NME7: variants seen among roughly 807,000 people sequenced by gnomAD.
The protein encoded by NME7 is nucleoside diphosphate kinase 7.
A neutral mutation model predicts 49.1 loss-of-function variants in NME7; 41 were observed. The observed-to-expected ratio is 0.83, with a 90% confidence interval of 0.65 to 1.08. The LOEUF (loss-of-function observed/expected upper bound fraction) is 1.08. Ranked by LOEUF, NME7 falls within the 50% of genes least tolerant of loss-of-function variation. The pLI is 0.00. For missense variants in NME7, 423 were observed against 463.4 expected, an observed-to-expected ratio of 0.91 and a Z score of 0.80; for synonymous variants, 139 against 150.6, an observed-to-expected ratio of 0.92 and a Z score of 0.56.
At chr1:169,243,404 C>A (rs895947289) in intron 7 of NME7, among the ~76,000 whole-genome samples, 6 of 152,158 alleles carry the variant, frequency 3.9e-5, no homozygotes, top group African/African-American at 1.4e-4. Flanking sequence ...GGGGAAACAG[C>A]TAGTTTTTTC....
intron 11 of NME7, among the ~76,000 whole-genome samples, chr1:169,140,507 A>T (rs976656368): frequency 1.1e-4 from 16 of 152,182 alleles, no homozygotes; most frequent in Non-Finnish European, 2.9e-5. Context: ...ATACTTTTTT[A>T]AAAAGGACAT....
intron 6 of NME7, among the ~76,000 whole-genome samples, chr1:169,289,206 A>G (rs1033729630): frequency 5.9e-5 from 9 of 152,054 alleles, no homozygotes; most frequent in Non-Finnish European, 1.2e-4. Flanking sequence ...GTCACATCCT[A>G]CACTCTGGAA....
chr1:169,337,644 T>C (rs1304005539), intron 1 of NME7, among the ~76,000 whole-genome samples: 1 of 152,188 alleles, frequency 6.6e-6, no homozygotes, highest in African/African-American at 2.4e-5. Context: ...CACCTCTCAA[T>C]AGCAGATCAT....
At chr1:169,277,015 T>A (rs1219167175) in intron 7 of NME7, among the ~76,000 whole-genome samples, 1 of 150,570 alleles carries the variant, frequency 6.6e-6, no homozygotes, top group Non-Finnish European at 1.5e-5. Flanking sequence ...AGTTTCTTAA[T>A]CCTGAGTTCT....
chr1:169,209,933 G>C (rs1204947861), intron 10 of NME7, among the ~76,000 whole-genome samples: 1 of 152,216 alleles, frequency 6.6e-6, no homozygotes, highest in African/African-American at 2.4e-5. Flanking sequence ...AGAGCCTCCT[G>C]TTATTAATAT....
intron 10 of NME7, among the ~76,000 whole-genome samples, chr1:169,196,739 CAGCT>C (rs1660390808): frequency 6.6e-6 from 1 of 152,124 alleles, no homozygotes; most frequent in Non-Finnish European, 1.5e-5. Flanking sequence ...GCAAATCACT[CAGCT>C]AGTGAGTGCA....
At chr1:169,351,384 C>T (rs555304204) in intron 1 of NME7, among the ~76,000 whole-genome samples, 2 of 151,358 alleles carry the variant, frequency 1.3e-5, no homozygotes, top group South Asian at 4.2e-4. Flanking sequence ...ACACAATATA[C>T]TATTAGTTAT....
chr1:169,150,869 TA>T (rs1658894527), intron 11 of NME7, among the ~76,000 whole-genome samples: 2 of 151,882 alleles, frequency 1.3e-5, no homozygotes, highest in African/African-American at 4.8e-5. Flanking sequence ...TCTTCAAACA[TA>T]AAAGGCTACA....
intron 10 of NME7, among the ~76,000 whole-genome samples, chr1:169,228,373 T>C (rs1017297087): frequency 7.2e-5 from 11 of 152,162 alleles, no homozygotes; most frequent in African/African-American, 1.4e-4. Context: ...CTCACAGTTT[T>C]ACTTACCTTA....
intron 10 of NME7, among the ~76,000 whole-genome samples, chr1:169,175,001 T>A (rs1270656876): frequency 6.6e-6 from 1 of 151,836 alleles, no homozygotes; most frequent in Non-Finnish European, 1.5e-5. Context: ...AACTTCTAAG[T>A]ATTTTTTAAC....
chr1:169,308,891 G>A (rs1390383989), intron 4 of NME7, among the ~76,000 whole-genome samples: 3 of 151,630 alleles, frequency 2.0e-5, no homozygotes, highest in Admixed American at 6.6e-5. Flanking sequence ...AAAATAAATA[G>A]GTATATTTGC....
chr1:169,363,237 CA>C (rs1363560946), intron 1 of NME7, among the ~76,000 whole-genome samples: 4 of 150,002 alleles, frequency 2.7e-5, no homozygotes, highest in South Asian at 2.1e-4. Context: ...TATCCTGTCT[CA>C]AAAAAAATAA....
intron 3 of NME7, chr1:169,310,585 A>T (rs1651344478): frequency 6.5e-6 from 1 of 153,136 alleles, no homozygotes; most frequent in African/African-American, 2.4e-5. Flanking sequence ...ATGTCTTCTT[A>T]TACAACAATG....
At chr1:169,354,214 T>C (rs899224774) in intron 1 of NME7, among the ~76,000 whole-genome samples, 3 of 152,004 alleles carry the variant, frequency 2.0e-5, no homozygotes, top group African/African-American at 7.2e-5. Context: ...TATCCAGCCA[T>C]AAAAAAATGT....
At chr1:169,327,444 G>A (rs1352021937) in intron 1 of NME7, among the ~76,000 whole-genome samples, 3 of 152,092 alleles carry the variant, frequency 2.0e-5, no homozygotes, top group Non-Finnish European at 2.9e-5. Context: ...AAATCTTAAA[G>A]TCTTAAAGGA....
At position 169,262,801 on chromosome 1, in the gene NME7, G is replaced by C. The variant is rs1249996365; in HGVS notation, c.754+24502C>G. On this transcript the variant is annotated intron_variant, in intron 7 of 11. Transcript: ENST00000367811. The stretch of plus-strand genomic sequence containing the variant: ...ATTCCCCAACATACTTCTAGATTGA[G>C]GCAGTGAGCCACTCAGATGTTTTGC... Among the ~76,000 whole-genome samples the C allele has an allele frequency of 1.5e-5, 2 of 133,704 alleles. 1 individual carries two copies. Among genetic ancestry groups the C allele is most frequent in the Non-Finnish European group, 3.5e-5 (2 of 56,890 alleles). The allele number at this position is 133,704 out of a possible 152,430, so 87.7% of individuals were successfully genotyped here.
At chr1:169,133,434 C>CTCT (rs1013782975) in intron 11 of NME7, among the ~76,000 whole-genome samples, 7 of 152,184 alleles carry the variant, frequency 4.6e-5, no homozygotes, top group African/African-American at 1.7e-4. Context: ...GGGTGCTGCC[C>CTCT]TCTTACAGAG....
At chr1:169,302,581 G>A (rs964709707) in intron 5 of NME7, among the ~76,000 whole-genome samples, 24 of 152,040 alleles carry the variant, frequency 1.6e-4, no homozygotes, top group African/African-American at 5.8e-4. Context: ...AATATCTATT[G>A]ATGGCAACAA....
chr1:169,323,154 G>A lies in NME7; in HGVS notation c.241C>T (p.Gln81Ter). The A allele has an allele frequency of 7.5e-6, 12 of 1,604,416 alleles. No individual in the cohort carries two copies. The highest frequency in any genetic ancestry group is 1.3e-5 in the African/African-American group (1 of 74,508). ...RQLVLIDYGDQYTARQLGSRK... is the reference protein window; with the variant it reads ...RQLVLIDYGD Reference sequence around the variant, plus strand: ...CTGCCCAGCTGGCGAGCTGTATATTGATCCCCATAGTCAATTAATACCAGT... The same window carrying A: ...CTGCCCAGCTGGCGAGCTGTATATTAATCCCCATAGTCAATTAATACCAGT... Residue 81 changes from glutamine to a stop codon, truncating the protein, a stop_gained, in exon 3 of 12, where the codon CAA becomes TAA. Transcript: ENST00000367811. LOFTEE classifies it high-confidence loss of function.
Sources: allele counts gnomAD v4.1 joint callset (sites outside exome capture counted in the v4.1 genomes callset), GRCh38; gene constraint gnomAD v4.1.1; transcripts MANE v1.5; gene names NCBI Gene and HGNC (gene_info 2026-07-23, HGNC 2026-07-21).